The following SRFBP1 variants were observed in gnomAD, a reference collection of about 807,000 sequenced individuals.
SRFBP1 encodes serum response factor binding protein 1.
SRFBP1 carries 47 observed loss-of-function variants against 45.5 expected under a neutral mutation model. The observed-to-expected ratio is 1.03, with a 90% CI of 0.82 to 1.32. The LOEUF is 1.32. Ranked by LOEUF, SRFBP1 falls within the 40% of genes most tolerant of loss-of-function variation. SRFBP1 has a pLI of 0.00. For synonymous variants in SRFBP1, 203 were observed against 166.3 expected (o/e 1.22, Z -1.70); for missense variants, 621 against 484.6 (o/e 1.28, Z -2.64).
chr5:121,991,711 A>G (rs1752625461), intron 3 of SRFBP1, among the ~76,000 whole-genome samples: 1 of 152,276 alleles, frequency 6.6e-6, no homozygotes, highest in Non-Finnish European at 1.5e-5. Context: ...TTGTTTACTT[A>G]AAATAGTACC....
At position 122,020,189 on chromosome 5, in the gene SRFBP1, A is replaced by C. The variant is rs1387131664; in HGVS notation, c.454A>C (p.Asn152His). 4 of 1,612,166 alleles carry C rather than the reference A, an allele frequency of 2.5e-6. No homozygotes were observed. Among genetic ancestry groups the C allele is most frequent in the South Asian group, 1.1e-5 (1 of 90,330 alleles). ...TCATTCTGAGAATACTTTGTATTCAAATGATAATGGAAGTAATTTACAGCG... is the reference window on the plus strand; with the variant it reads ...TCATTCTGAGAATACTTTGTATTCACATGATAATGGAAGTAATTTACAGCG... ...DNHSENTLYS[N>H]DNGSNLQREA... The change falls in exon 6 of 8, where the codon AAT becomes CAT. Residue 152 changes from asparagine to histidine, a missense_variant. Physicochemically the swap from Asn to His is moderately conservative, Grantham distance 68. Coordinates refer to ENST00000339397, the MANE Select transcript of SRFBP1 (RefSeq NM_152546.3).
chr5:122,057,370 G>A (rs1022777544), intron 2 of SRFBP1, among the ~76,000 whole-genome samples: 1 of 151,964 alleles, frequency 6.6e-6, no homozygotes, highest in African/African-American at 2.4e-5. Context: ...AAGTTTTCAG[G>A]TTATTATTTA....
rs759052462 is a variant in SRFBP1 at position 121,962,027 on chromosome 5, T to G, written c.-6T>G. 3.7e-6 allele frequency: 6 copies of G among 1,614,028 alleles called. No homozygotes were observed. Among genetic ancestry groups the G allele is most frequent in the Non-Finnish European group, 5.1e-6 (6 of 1,180,004 alleles). ...GGCAGCGGCGGATCATATTCCTTCA[T>G]CTACCATGGCTCAGCCGGGAACTCT... On this transcript the variant is annotated 5_prime_UTR_variant, in exon 1 of 8. Coordinates refer to ENST00000339397, the MANE Select transcript of SRFBP1 (RefSeq NM_152546.3).
intron 4 of SRFBP1, among the ~76,000 whole-genome samples, chr5:122,002,752 A>T (rs1303533316): frequency 1.3e-5 from 2 of 152,166 alleles, no homozygotes; most frequent in East Asian, 3.9e-4. Flanking sequence ...GTGAGATGTG[A>T]GAAATTGTTG....
At chr5:122,073,287 T>C (rs1161225452) in intron 2 of SRFBP1, among the ~76,000 whole-genome samples, 1 of 152,198 alleles carries the variant, frequency 6.6e-6, no homozygotes, top group Admixed American at 6.5e-5. Flanking sequence ...TTTCCAATGA[T>C]AAAACATGCA....
chr5:121,994,679 G>C lies in SRFBP1; in HGVS notation c.270+9G>C. ...AAAAAATCTTCAAAAAGGTATATCT[G>C]CAATAGATTATATTTGTCTTATGAA... On this transcript the variant is annotated intron_variant, in intron 4 of 7. Transcript: ENST00000339397. The C allele has an allele frequency of 1.3e-6, 2 of 1,532,608 alleles. No homozygotes were observed. The highest frequency in any genetic ancestry group is 1.8e-6 in the Non-Finnish European group (2 of 1,124,330). The allele number at this position is 1,532,608 out of a possible 1,614,324, so 94.9% of individuals were successfully genotyped here.
chr5:122,051,259 G>C (rs547785299), intron 2 of SRFBP1, among the ~76,000 whole-genome samples: 8 of 152,278 alleles, frequency 5.3e-5, no homozygotes, highest in African/African-American at 1.9e-4. Flanking sequence ...GTAGAGTTCT[G>C]TCTGTTAGGT....
chr5:121,985,493 GTT>G (rs1327171473), intron 3 of SRFBP1, among the ~76,000 whole-genome samples: 1 of 151,520 alleles, frequency 6.6e-6, no homozygotes, highest in Non-Finnish European at 1.5e-5. Context: ...TAACTGGTGT[GTT>G]TTTTTAATCT....
chr5:122,051,567 T>A (rs1753980383), intron 2 of SRFBP1, among the ~76,000 whole-genome samples: 1 of 151,990 alleles, frequency 6.6e-6, no homozygotes, highest in Non-Finnish European at 1.5e-5. Flanking sequence ...TTGTCTGAAA[T>A]TAGGATTGCA....
intron 4 of SRFBP1, among the ~76,000 whole-genome samples, chr5:122,010,464 A>G (rs369080681): frequency 7.9e-5 from 12 of 152,296 alleles, no homozygotes; most frequent in Admixed American, 5.2e-4. Flanking sequence ...ACTGTCACTT[A>G]AAAGCAGACC....
intron 6 of SRFBP1, 69 bp from the exon 7 acceptor site, chr5:122,022,301 G>A: frequency 7.4e-7 from 1 of 1,346,066 alleles, no homozygotes. Context: ...CATCAATTTT[G>A]TTATGTTTTT....
At chr5:122,037,923 A>T (rs1187507641) in intron 2 of SRFBP1, among the ~76,000 whole-genome samples, 1 of 151,768 alleles carries the variant, frequency 6.6e-6, no homozygotes, top group East Asian at 1.9e-4. Flanking sequence ...ACATTTTCCA[A>T]CCCCTCTTGA....
chr5:122,009,811 CAA>C (rs141927852), intron 4 of SRFBP1, among the ~76,000 whole-genome samples: 15,537 of 152,168 alleles, frequency 0.1, 1,158 homozygotes, highest in Non-Finnish European at 0.14. Flanking sequence ...CATAATCTCT[CAA>C]GGGAAAATAT....
At chr5:122,060,447 GT>G (rs1245333830) in intron 2 of SRFBP1, among the ~76,000 whole-genome samples, 2 of 152,122 alleles carry the variant, frequency 1.3e-5, no homozygotes, top group Non-Finnish European at 2.9e-5. Flanking sequence ...ATGCAGTCAT[GT>G]GGTTTGGATT....
chr5:122,026,512 G>C (rs1028460882), intron 7 of SRFBP1, among the ~76,000 whole-genome samples: 1 of 152,322 alleles, frequency 6.6e-6, no homozygotes, highest in East Asian at 1.9e-4. Context: ...AGTATTGTCA[G>C]ACTCAGTGGA....
chr5:122,052,536 T>C (rs1468572807), intron 2 of SRFBP1, among the ~76,000 whole-genome samples: 1 of 152,248 alleles, frequency 6.6e-6, no homozygotes, highest in East Asian at 1.9e-4. Context: ...GCTTGGTCTA[T>C]TCTGCTGTGA....
intron 4 of SRFBP1, among the ~76,000 whole-genome samples, chr5:121,996,054 A>G (rs1354746693): frequency 1.3e-5 from 2 of 151,440 alleles, no homozygotes; most frequent in African/African-American, 2.4e-5. Flanking sequence ...CCAGGACCAG[A>G]TGGACTCACA....
chr5:122,076,590 TG>T (rs1657456842), downstream of SRFBP1, among the ~76,000 whole-genome samples: 1 of 152,228 alleles, frequency 6.6e-6, no homozygotes. Context: ...GAAAAGTGAT[TG>T]GAACAATTGA....
chr5:122,078,700 A>G (rs892738401), downstream of SRFBP1, among the ~76,000 whole-genome samples: 2 of 152,220 alleles, frequency 1.3e-5, no homozygotes, highest in South Asian at 4.1e-4. Context: ...AAGTTTATCC[A>G]TAAAAGAGTT....
Sources: allele counts gnomAD v4.1 joint callset (sites outside exome capture counted in the v4.1 genomes callset), GRCh38; gene constraint gnomAD v4.1.1; transcripts MANE v1.5; gene names NCBI Gene and HGNC (gene_info 2026-07-23, HGNC 2026-07-21).